HCFC1: variants seen among roughly 807,000 people sequenced by gnomAD.
HCFC1 encodes the protein host cell factor 1.
HCFC1 carries 7 observed loss-of-function variants against 105.5 expected under a neutral mutation model. The observed-to-expected ratio is 0.07, with a 90% CI of 0.04 to 0.12. The LOEUF (loss-of-function observed/expected upper bound fraction) is 0.12, where lower values mean the gene tolerates loss of function less well. Ranked by LOEUF, HCFC1 falls within the 10% of genes least tolerant of loss-of-function variation. HCFC1 has a pLI of 1.00. For missense variants in HCFC1, 1,065 were observed against 1,823.6 expected, an observed-to-expected ratio of 0.58 and a Z score of 7.58; for synonymous variants, 918 against 828.1, an observed-to-expected ratio of 1.11 and a Z score of -1.86.
intron 6 of HCFC1, 101 bp from the exon 7 acceptor site, chrX:153,960,515 T>C (rs781862491): frequency 1.1e-5 from 6 of 542,636 alleles, no homozygotes; most frequent in Non-Finnish European, 1.7e-5. Flanking sequence ...GGAATTAAAA[T>C]CAAGAAGTTA....
At position 153,948,850 on chromosome X, in the gene HCFC1, G is replaced by C. The variant is rs1335730673; in HGVS notation, c.*497C>G. The C allele has an allele frequency of 4.4e-5, 5 of 112,904 alleles. No homozygotes were observed. The highest frequency in any genetic ancestry group is 6.5e-5 in the African/African-American group (2 of 30,797). 9.3% of individuals were successfully genotyped at this position (112,904 alleles called of 1,213,427 possible). On this transcript the variant is annotated 3_prime_UTR_variant, in exon 26 of 26. Coordinates refer to ENST00000310441, the MANE Select transcript of HCFC1 (RefSeq NM_005334.3). ...TGGGGTCACTGAGCAGGGTGGGCCGGGGGAGCCTGAGGAAGGGAAGTTAGG... is the reference window on the plus strand; with the variant it reads ...TGGGGTCACTGAGCAGGGTGGGCCGCGGGAGCCTGAGGAAGGGAAGTTAGG...
At chrX:153,959,551 T>C (rs782157664) in intron 8 of HCFC1, 60 bp from the exon 9 acceptor site, 37 of 1,171,626 alleles carry the variant, frequency 3.2e-5, no homozygotes, top group Middle Eastern at 5.5e-4. Flanking sequence ...CCCAGCCCCT[T>C]TGCAGGCAGC....
intron 13 of HCFC1, 24 bp from the exon 14 acceptor site, chrX:153,957,084 G>A (rs1557115238): frequency 1.7e-6 from 2 of 1,198,833 alleles, no homozygotes; most frequent in Middle Eastern, 6.1e-4. Flanking sequence ...TGGGGCCCAG[G>A]GGAGACAGGC....
rs2065312458 is a variant in HCFC1, at chrX:153,951,599, G to A, written c.5369C>T (p.Ser1790Phe). 4.1e-6 allele frequency: 5 copies of A among 1,208,807 alleles called. No individual in the cohort carries two copies. Among genetic ancestry groups the A allele is most frequent in the Non-Finnish European group, 5.6e-6 (5 of 894,267 alleles). ...TLTEVANGIE[S>F]LGVKPDLPPP... ...ACACACCCGACTCACCACACCCAGG[G>A]ACTCGATGCCATTGGCCACTTCGGT... Residue 1790 changes from serine (S) to phenylalanine (F), a missense_variant, in exon 21 of 26, where the codon TCC becomes TTC. Physicochemically the swap from Ser to Phe is radical, Grantham distance 155 (BLOSUM62 -2). Around this residue, in one of 17 missense-constraint regions of HCFC1, gnomAD observed 115 missense variants for 143.7 expected, o/e 0.80. Coordinates refer to ENST00000310441, the MANE Select transcript of HCFC1 (RefSeq NM_005334.3).
chrX:153,957,013 T>G lies in HCFC1; in HGVS notation c.2401A>C (p.Thr801Pro). The G allele has an allele frequency of 8.3e-7, 1 of 1,207,085 alleles. No individual in the cohort carries two copies. The highest frequency in any genetic ancestry group is 1.1e-6 in the Non-Finnish European group (1 of 892,324). The change falls in exon 14 of 26, where the codon ACC becomes CCC. Residue 801 changes from threonine to proline, a missense_variant. By Grantham distance (38) the Thr-to-Pro change is conservative. Coordinates refer to ENST00000310441, the MANE Select transcript of HCFC1 (RefSeq NM_005334.3). Reference sequence around the variant, plus strand: ...CCAGTTCCTGAAGTCATCACCTTGGTGGTGATGATGGTGATGGGGGACTTG... The same window carrying G: ...CCAGTTCCTGAAGTCATCACCTTGGGGGTGATGATGGTGATGGGGGACTTG... ...GIKSPITIIT[T>P]KVMTSGTGAP...
In HCFC1 at chrX:153,958,607, G is replaced by C. The variant is rs1557115826; in HGVS notation, c.1765C>G (p.Leu589Val). ...GAGGCCACCTTCACAGTGGCTGGGA[G>C]GGTGGTAGTGCCAGGTGTCACAGCC... ...TMAVTPGTTT[L>V]PATVKVASSP... The change falls in exon 10 of 26, where the codon CTC (leucine) becomes GTC (valine). Residue 589 changes from leucine to valine, a missense_variant. Leu to Val is a conservative substitution (Grantham distance 32, BLOSUM62 1). Around this residue, in one of 17 missense-constraint regions of HCFC1, gnomAD observed 137 missense variants for 378.2 expected, o/e 0.36. Coordinates refer to ENST00000310441, the MANE Select transcript of HCFC1 (RefSeq NM_005334.3). 2 of 1,207,287 alleles carry C rather than the reference G, an allele frequency of 1.7e-6. No homozygotes were observed. Among genetic ancestry groups the C allele is most frequent in the Non-Finnish European group, 2.2e-6 (2 of 893,057 alleles).
chrX:153,959,415 G>A lies in HCFC1; in HGVS notation c.1521C>T (p.Ser507=). Residue 507 remains serine, a synonymous_variant, in exon 9 of 26, where the codon AGC becomes AGT. Transcript: ENST00000310441. ...GTPLVTMRPA[S]QAGKAPVTVT... ...CGGTGACAGGGGCTTTCCCAGCCTG[G>A]CTGGCAGGTCGCATGGTGACCAATG... The A allele has an allele frequency of 8.3e-7, 1 of 1,211,628 alleles. No homozygotes were observed. The highest frequency in any genetic ancestry group is 1.1e-6 in the Non-Finnish European group (1 of 895,223).
chrX:153,954,712 A>G lies in HCFC1; in HGVS notation c.3687T>C (p.Pro1229=). ...TGACCGCATGGCTGTGGCGCCCCGC[A>G]GGAAGGTCCTTAATGCTTGGGCTGC... ...RLSSPSIKDL[P]AGRHSHAVST... is the part of the protein sequence containing the mutation. The change falls in exon 17 of 26, where the codon CCT becomes CCC. Residue 1229 remains proline (P), a synonymous_variant. Transcript: ENST00000310441. 2 of 1,193,327 alleles carry G rather than the reference A, an allele frequency of 1.7e-6. No individual in the cohort carries two copies. Among genetic ancestry groups the G allele is most frequent in the South Asian group, 1.8e-5 (1 of 55,586 alleles).
rs1438890879 is a variant in HCFC1, at chrX:153,951,144, G to A, written c.5518-146C>T. The A allele has an allele frequency of 8.7e-6, 6 of 686,666 alleles. No homozygotes were observed. In the Admixed American group the frequency reaches 1.1e-4, roughly 13 times the overall value. 56.6% of individuals were successfully genotyped at this position (686,666 alleles called of 1,213,427 possible). ...CCCTCACGGCAAGGAGGGACGTGGC[G>A]AGGCTGACTGTGGCCCGGTACTGGC... On this transcript the variant is annotated intron_variant, in intron 22 of 25. Transcript: ENST00000310441.
At chrX:153,966,477 G>A (rs893054185) in intron 1 of HCFC1, among the ~76,000 whole-genome samples, 4 of 112,560 alleles carry the variant, frequency 3.6e-5, no homozygotes, top group African/African-American at 1.3e-4. Context: ...CTGGCCCTCT[G>A]CCTCTTTCTC....
chrX:153,968,644 C>A (rs1379960879), intron 1 of HCFC1, among the ~76,000 whole-genome samples: 1 of 112,433 alleles, frequency 8.9e-6, no homozygotes, highest in Non-Finnish European at 1.9e-5. Context: ...TGAATTCATG[C>A]CAAAGTGGTC....
rs963030127 is a variant in HCFC1, at chrX:153,954,178, C to T, written c.4221G>A (p.Leu1407=). 5.8e-6 allele frequency: 7 copies of T among 1,200,525 alleles called. No individual in the cohort carries two copies. In the African/African-American group the frequency reaches 1.1e-4, roughly 19 times the overall value. The change falls in exon 17 of 26, where the codon CTG becomes CTA. Residue 1407 remains leucine, a synonymous_variant. Transcript: ENST00000310441. ...CCCTCTGTGTTGGGAAAGGAGCCAG[C>T]AGCGCGGTGCCAGCCTGGGGGGTGA... ...PSVTPQAGTA[L]LAPFPTQRVC...
rs782594997 is a variant in HCFC1, at chrX:153,958,704, G to A, written c.1668C>T (p.Thr556=). ...GTGCCGAGGAAGGGGGGATCTTCTG[G>A]GTGGCAGCGGCCGCAGCGGCCAGTG... is the stretch of plus-strand genomic sequence containing the variant. ...MAALAAAAAA[T]QKIPPSSAPT... The change falls in exon 10 of 26, where the codon ACC becomes ACT. Residue 556 remains threonine, a synonymous_variant. Coordinates refer to ENST00000310441, the MANE Select transcript of HCFC1 (RefSeq NM_005334.3). The A allele has an allele frequency of 3.1e-5, 37 of 1,197,621 alleles. No homozygotes were observed. The highest frequency in any genetic ancestry group is 3.2e-5 in the Non-Finnish European group (28 of 887,726).
chrX:153,971,186 T>G lies in HCFC1; in HGVS notation c.-346A>C. Reference sequence around the variant, plus strand: ...GGGAGCCGCCATCTTGAGCCGCCTCTCTCTCCTCCCTTCCTCAGTCGTAGC... The same window carrying G: ...GGGAGCCGCCATCTTGAGCCGCCTCGCTCTCCTCCCTTCCTCAGTCGTAGC... On this transcript the variant is annotated 5_prime_UTR_variant, in exon 1 of 26. Coordinates refer to ENST00000310441, the MANE Select transcript of HCFC1 (RefSeq NM_005334.3). 3.0e-6 allele frequency: 1 copy of G among 327,924 alleles called. No individual in the cohort carries two copies. Among genetic ancestry groups the G allele is most frequent in the Non-Finnish European group, 5.2e-6 (1 of 192,018 alleles). The allele number at this position is 327,924 out of a possible 1,213,427, so 27.0% of individuals were successfully genotyped here.
intron 1 of HCFC1, among the ~76,000 whole-genome samples, chrX:153,965,362 C>CA (rs1318220799): frequency 9.0e-6 from 1 of 111,058 alleles, no homozygotes; most frequent in Non-Finnish European, 1.9e-5. Flanking sequence ...AGAAGCTTCT[C>CA]AAAAGCTCAT....
At position 153,971,601 on chromosome X, in the gene HCFC1, G is replaced by A; in HGVS notation, c.-761C>T. The A allele has an allele frequency of 6.8e-6, 2 of 292,535 alleles. No homozygotes were observed. The highest frequency in any genetic ancestry group is 4.4e-4 in the South Asian group (2 of 4,565). The allele number at this position is 292,535 out of a possible 1,213,427, so 24.1% of individuals were successfully genotyped here. ...CGTGGGAGCCGCCATCTTGAGACTA[G>A]CTCCCCGTTCCCCCCTATTCTCTTC... On this transcript the variant is annotated 5_prime_UTR_variant, in exon 1 of 26. Coordinates refer to ENST00000310441, the MANE Select transcript of HCFC1 (RefSeq NM_005334.3).
At chrX:153,970,446 G>A (rs1557119721) in intron 1 of HCFC1, among the ~76,000 whole-genome samples, 3 of 78,395 alleles carry the variant, frequency 3.8e-5, no homozygotes, top group Non-Finnish European at 7.5e-5. Context: ...GGGAGGAGGG[G>A]AGAAGGGGGA....
chrX:153,951,204 CA>C (rs1557112346), intron 22 of HCFC1, 145 bp downstream of exon 22: 47 of 714,125 alleles, frequency 6.6e-5, no homozygotes, highest in Non-Finnish European at 9.6e-5. Flanking sequence ...TCTACTGCTT[CA>C]GGGGGGATGG....
chrX:153,952,941 C>T lies in HCFC1; in HGVS notation c.4515G>A (p.Gln1505=). 3.4e-6 allele frequency: 4 copies of T among 1,175,131 alleles called. No individual in the cohort carries two copies. The highest frequency in any genetic ancestry group is 4.6e-6 in the Non-Finnish European group (4 of 877,260). The change falls in exon 19 of 26, where the codon CAG becomes CAA. Residue 1505 remains glutamine, a synonymous_variant. Transcript: ENST00000310441. ...GCTGCTGGCGAGGACCTGGCGACACCTGGAGTTCCTCTGGGGGCTGCAGGA... is the reference window on the plus strand; with the variant it reads ...GCTGCTGGCGAGGACCTGGCGACACTTGGAGTTCCTCTGGGGGCTGCAGGA... ...GPSVPPPEEL[Q]VSPGPRQQLP... is the part of the protein sequence containing the mutation.
Sources: gnomAD v4.1 joint callset for allele counts (sites outside exome capture counted in the v4.1 genomes callset) on GRCh38, gnomAD v4.1.1 for gene constraint, gnomAD v4.1.1 regional missense constraint, MANE v1.5 for transcripts, NCBI Gene and HGNC (gene_info 2026-07-23, HGNC 2026-07-21) for gene names.